ANKS1B: variants seen among roughly 807,000 people sequenced by gnomAD.
ANKS1B encodes the protein ankyrin repeat and sterile alpha motif domain-containing protein 1B.
Under a neutral mutation model 148.3 loss-of-function variants are expected in ANKS1B, and 36 were observed. The ratio of observed to expected loss-of-function variants is 0.24; its 90% CI spans 0.19 to 0.32. The LOEUF (loss-of-function observed/expected upper bound fraction) is 0.32. Among genes scored for constraint, ANKS1B ranks in the 10% least tolerant of loss-of-function variants. ANKS1B has a pLI of 1.00. For missense variants in ANKS1B, 1,157 were observed against 1,542.6 expected (o/e 0.75, Z 4.19); for synonymous variants, 542 against 560.8 (o/e 0.97, Z 0.47).
At chr12:99,298,214 G>A (rs750013862) in intron 12 of ANKS1B, among the ~76,000 whole-genome samples, 4 of 152,064 alleles carry the variant, frequency 2.6e-5, no homozygotes, top group Admixed American at 2.0e-4. Flanking sequence ...TGTTTCCTAC[G>A]TACCAATGAT....
intron 8 of ANKS1B, among the ~76,000 whole-genome samples, chr12:99,674,893 T>C (rs1298751763): frequency 1.3e-5 from 2 of 151,874 alleles, no homozygotes; most frequent in Non-Finnish European, 3.0e-5. Context: ...ATCCTTAATA[T>C]GCAAAGACTC....
At chr12:99,907,271 G>T (rs936968405) in intron 1 of ANKS1B, among the ~76,000 whole-genome samples, 5 of 152,096 alleles carry the variant, frequency 3.3e-5, no homozygotes, top group African/African-American at 1.2e-4. Flanking sequence ...TTTTCCTGAG[G>T]CTGTCTGCTG....
intron 17 of ANKS1B, among the ~76,000 whole-genome samples, chr12:99,000,821 C>T (rs906620436): frequency 6.6e-6 from 1 of 152,166 alleles, no homozygotes; most frequent in Non-Finnish European, 1.5e-5. Context: ...ATGGACTATT[C>T]TAGATACCTC....
downstream of ANKS1B, among the ~76,000 whole-genome samples, chr12:98,739,445 C>T (rs1182429338): frequency 6.6e-6 from 1 of 152,164 alleles, no homozygotes; most frequent in Non-Finnish European, 1.5e-5. Context: ...GTTGGATTTG[C>T]CAGCACCTGG....
chr12:99,536,260 A>G (rs1014387504), intron 9 of ANKS1B, among the ~76,000 whole-genome samples: 3 of 152,288 alleles, frequency 2.0e-5, no homozygotes, highest in South Asian at 2.1e-4. Flanking sequence ...AGGTTCATCA[A>G]TTGTAACAAA....
chr12:99,259,149 A>C (rs1410303878), intron 12 of ANKS1B, among the ~76,000 whole-genome samples: 1 of 152,144 alleles, frequency 6.6e-6, no homozygotes, highest in Non-Finnish European at 1.5e-5. Flanking sequence ...AGAACCTCCT[A>C]TGGCATCAGT....
chr12:99,415,746 A>C (rs999162626), intron 11 of ANKS1B, among the ~76,000 whole-genome samples: 3 of 148,676 alleles, frequency 2.0e-5, no homozygotes, highest in Non-Finnish European at 4.5e-5. Flanking sequence ...TGTAGTGGTG[A>C]GATCTCGGCT....
intron 10 of ANKS1B, among the ~76,000 whole-genome samples, chr12:99,448,022 C>T (rs2095664544): frequency 6.6e-6 from 1 of 151,978 alleles, no homozygotes; most frequent in Non-Finnish European, 1.5e-5. Context: ...ATTAGTACAG[C>T]CATTAGAGAG....
intron 15 of ANKS1B, among the ~76,000 whole-genome samples, chr12:99,107,046 C>A (rs551096582): frequency 6.6e-6 from 1 of 151,646 alleles, no homozygotes; most frequent in Non-Finnish European, 1.5e-5. Context: ...GGATGAATGA[C>A]GGATGCTGCA....
chr12:99,935,765 T>C (rs1457399030), intron 1 of ANKS1B, among the ~76,000 whole-genome samples: 2 of 152,112 alleles, frequency 1.3e-5, no homozygotes, highest in Non-Finnish European at 2.9e-5. Flanking sequence ...ACCCAGATAA[T>C]GGCCCTCTTA....
chr12:98,764,289 C>T lies in ANKS1B; in HGVS notation c.3579+8753G>A, dbSNP rs546032798. Among the ~76,000 whole-genome samples, 18 of 152,288 alleles carry T rather than the reference C, an allele frequency of 1.2e-4. No individual in the cohort carries two copies. In the South Asian group the frequency reaches 3.5e-3, roughly 30 times the overall value. On this transcript the variant is annotated intron_variant, in intron 25 of 26. Transcript: ENST00000683438. Reference sequence around the variant, plus strand: ...TTACCCAGGCTGGAGTGCAGTGGCACGATCTCAGCTCACTGCAACCTTCGC... The same window carrying T: ...TTACCCAGGCTGGAGTGCAGTGGCATGATCTCAGCTCACTGCAACCTTCGC...
intron 17 of ANKS1B, among the ~76,000 whole-genome samples, chr12:98,979,562 C>T (rs1015059097): frequency 6.6e-6 from 1 of 152,170 alleles, no homozygotes; most frequent in African/African-American, 2.4e-5. Context: ...TGAGCCACTG[C>T]GCCCAGCTAT....
At chr12:98,771,035 A>G (rs1243754886) in intron 25 of ANKS1B, among the ~76,000 whole-genome samples, 2 of 152,246 alleles carry the variant, frequency 1.3e-5, no homozygotes, top group Non-Finnish European at 1.5e-5. Context: ...GGGCATATCA[A>G]TCTTAAAGAA....
In ANKS1B at chr12:98,931,818, C is replaced by CT. The variant is rs2099813873; in HGVS notation, c.2779-99683dup. 2.6e-5 allele frequency: 4 copies of CT among 152,254 alleles called. No individual in the cohort carries two copies. In the South Asian group the frequency reaches 8.3e-4, roughly 32 times the overall value. 9.4% of individuals were successfully genotyped at this position (152,254 alleles called of 1,614,324 possible). A position where few individuals can be genotyped will look rare whatever the true frequency, so the allele number is the denominator to read the frequency against. Reference sequence around the variant, plus strand: ...GTTATCTGATTGGTTTGTCAACATTCTGAACCAAAACTCTATTTTTTAATG... The same window carrying CT: ...GTTATCTGATTGGTTTGTCAACATTCTTGAACCAAAACTCTATTTTTTAATG... On this transcript the variant is annotated intron_variant, in intron 17 of 26. Coordinates refer to ENST00000683438, the MANE Select transcript of ANKS1B (RefSeq NM_001352186.2).
intron 17 of ANKS1B, among the ~76,000 whole-genome samples, chr12:98,862,137 G>C (rs563578838): frequency 6.6e-6 from 1 of 152,104 alleles, no homozygotes. Context: ...TCATCCCTCA[G>C]TGTAGTAAGA....
intron 1 of ANKS1B, among the ~76,000 whole-genome samples, chr12:99,932,180 C>G (rs1299192436): frequency 6.6e-6 from 1 of 152,102 alleles, no homozygotes; most frequent in Non-Finnish European, 1.5e-5. Context: ...TTGATGGACA[C>G]TTAGGTTGAT....
chr12:99,715,383 C>T (rs1446490947), intron 8 of ANKS1B, among the ~76,000 whole-genome samples: 2 of 152,168 alleles, frequency 1.3e-5, no homozygotes, highest in African/African-American at 4.8e-5. Flanking sequence ...CTACTGAGCA[C>T]CTTGTGACCC....
intron 17 of ANKS1B, among the ~76,000 whole-genome samples, chr12:99,037,020 G>T (rs2099955980): frequency 1.3e-5 from 2 of 152,164 alleles, no homozygotes; most frequent in East Asian, 3.8e-4. Flanking sequence ...ATAATAGATG[G>T]TATTTCTAGG....
intron 12 of ANKS1B, among the ~76,000 whole-genome samples, chr12:99,333,775 T>TC (rs1297113214): frequency 1.3e-5 from 2 of 151,462 alleles, no homozygotes; most frequent in Non-Finnish European, 2.9e-5. Flanking sequence ...CCTTTTCTAG[T>TC]CCCACATTTT....
Sources: gnomAD v4.1 joint callset for allele counts (sites outside exome capture counted in the v4.1 genomes callset) on GRCh38, gnomAD v4.1.1 for gene constraint, MANE v1.5 for transcripts, NCBI Gene and HGNC (gene_info 2026-07-23, HGNC 2026-07-21) for gene names.